PADI3: variants seen among roughly 807,000 people sequenced by gnomAD.
The protein encoded by PADI3 is protein-arginine deiminase type-3.
Under a neutral mutation model 71.5 loss-of-function variants are expected in PADI3, and 53 were observed. That is an observed-to-expected ratio of 0.74 (90% CI 0.59 to 0.93). The LOEUF is 0.93. PADI3 is among the 40% of genes least tolerant of loss of function. The pLI is 0.00. For synonymous variants in PADI3, 361 were observed against 347.5 expected (o/e 1.04, Z -0.43); for missense variants, 821 against 868.0 (o/e 0.95, Z 0.68).
chr1:17,258,284 C>T (rs948627255), intron 1 of PADI3, among the ~76,000 whole-genome samples: 1 of 152,184 alleles, frequency 6.6e-6, no homozygotes, highest in Non-Finnish European at 1.5e-5. Context: ...ATCCTGTGGC[C>T]TTGAGCCCCA....
intron 1 of PADI3, among the ~76,000 whole-genome samples, chr1:17,257,634 C>G (rs895746011): frequency 1.1e-4 from 16 of 152,178 alleles, no homozygotes; most frequent in African/African-American, 3.9e-4. Context: ...TGGAGAGAAG[C>G]TTGGGCTTGG....
At position 17,264,542 on chromosome 1, in the gene PADI3, G is replaced by A. The variant is rs185516168; in HGVS notation, c.347-1117G>A. ...AAGTATTTTCTTGCTTCTCCTCATG[G>A]TTTTATCTCTTGAACGCAATACCCA... On this transcript the variant is annotated intron_variant, in intron 3 of 15. Transcript: ENST00000375460. Among the ~76,000 whole-genome samples the A allele has an allele frequency of 9.0e-4, 137 of 152,138 alleles. 1 individual carries two copies. Among genetic ancestry groups the A allele is most frequent in the African/African-American group, 3.1e-3 (130 of 41,504 alleles).
At position 17,249,132 on chromosome 1, in the gene PADI3, A is replaced by G. The variant is rs1490664424; in HGVS notation, c.-6A>G. The G allele has an allele frequency of 5.6e-6, 9 of 1,613,686 alleles. No homozygotes were observed. Among genetic ancestry groups the G allele is most frequent in the Non-Finnish European group, 7.6e-6 (9 of 1,179,706 alleles). On this transcript the variant is annotated 5_prime_UTR_variant, in exon 1 of 16. Coordinates refer to ENST00000375460, the MANE Select transcript of PADI3 (RefSeq NM_016233.2). ...GTTGGCGGCCACAGCTAAGTCCAAC[A>G]CCAGCATGTCGCTGCAGAGAATCGT...
intron 4 of PADI3, among the ~76,000 whole-genome samples, chr1:17,266,146 A>C (rs570971300): frequency 8.7e-4 from 133 of 152,348 alleles, no homozygotes; most frequent in African/African-American, 3.1e-3. Flanking sequence ...TTATTTATAC[A>C]AACAGGCAGT....
chr1:17,265,670 GAT>G lies in PADI3; in HGVS notation c.359_360del (p.Asp120ValfsTer6), dbSNP rs761184582. The G allele has an allele frequency of 6.2e-7, 1 of 1,614,160 alleles. No individual in the cohort carries two copies. The highest frequency in any genetic ancestry group is 1.7e-5 in the Admixed American group (1 of 60,012). ...GCCTCCTCTTGCAGACATCTCTCTGGATTGCGACCTGAACTGTGAGGGAAGGC... is the reference window on the plus strand; with the variant it reads ...GCCTCCTCTTGCAGACATCTCTCTGGTGCGACCTGAACTGTGAGGGAAGGC... ...LYLTCVDISL[D>X]CDLNCEGRQD... On this transcript the variant is annotated frameshift_variant, in exon 4 of 16. Transcript: ENST00000375460. LOFTEE classifies it high-confidence loss of function.
chr1:17,272,344 C>A (rs1464921923), intron 9 of PADI3, among the ~76,000 whole-genome samples: 1 of 152,118 alleles, frequency 6.6e-6, no homozygotes, highest in African/African-American at 2.4e-5. Context: ...AGTTAAGGAG[C>A]TTTCCTCTTG....
intron 3 of PADI3, 77 bp downstream of exon 3, chr1:17,262,282 G>A: frequency 9.1e-7 from 1 of 1,094,620 alleles, no homozygotes; most frequent in Non-Finnish European, 1.3e-6. Flanking sequence ...AGTATACGTT[G>A]AAAATTAAAC....
chr1:17,270,819 T>TA, intron 7 of PADI3, 60 bp from the exon 8 acceptor site: 2 of 1,164,510 alleles, frequency 1.7e-6, no homozygotes, highest in South Asian at 1.2e-5. Flanking sequence ...GGAATCAGAG[T>TA]CCCCCCAGGC....
Position 17,249,147 on chromosome 1 carries a change from C to T in PADI3, c.10C>T (p.Gln4Ter). 1 of 1,614,070 alleles carries T rather than the reference C, an allele frequency of 6.2e-7. No individual in the cohort carries two copies. Among genetic ancestry groups the T allele is most frequent in the South Asian group, 1.1e-5 (1 of 91,074 alleles). Residue 4 changes from glutamine to a stop codon, truncating the protein, a stop_gained, in exon 1 of 16, where the codon CAG becomes TAG. Coordinates refer to ENST00000375460, the MANE Select transcript of PADI3 (RefSeq NM_016233.2). LOFTEE classifies it high-confidence loss of function. MSL[Q>*]RIVRVSLEHP... is the part of the protein sequence containing the mutation. The stretch of plus-strand genomic sequence containing the variant: ...TAAGTCCAACACCAGCATGTCGCTG[C>T]AGAGAATCGTGCGTGTGTCCCTGGA...
At chr1:17,262,848 T>A (rs1050298889) in intron 3 of PADI3, among the ~76,000 whole-genome samples, 2 of 152,190 alleles carry the variant, frequency 1.3e-5, no homozygotes, top group Non-Finnish European at 2.9e-5. Context: ...ATCTAAGAGC[T>A]CTGTGACAGT....
chr1:17,267,635 T>C (rs1201381952), intron 5 of PADI3, among the ~76,000 whole-genome samples: 2 of 151,596 alleles, frequency 1.3e-5, no homozygotes, highest in Non-Finnish European at 3.0e-5. Flanking sequence ...CATGTTTCTC[T>C]GGGCAATTGA....
chr1:17,273,069 G>A (rs1413974154), intron 9 of PADI3, among the ~76,000 whole-genome samples: 1 of 152,152 alleles, frequency 6.6e-6, no homozygotes, highest in East Asian at 1.9e-4. Context: ...AGTACTCACA[G>A]GGACACCCCC....
At position 17,266,778 on chromosome 1, in the gene PADI3, T is replaced by A; in HGVS notation, c.468T>A (p.Arg156=). The A allele has an allele frequency of 6.2e-7, 1 of 1,614,094 alleles. No homozygotes were observed. Residue 156 remains arginine, a synonymous_variant, in exon 5 of 16, where the codon CGT becomes CGA. Transcript: ENST00000375460. Reference sequence around the variant, plus strand: ...GCATCTTGCTGGTGAACTGTGACCGTGATGATCCGAGCTGTGATGTCCAGG... The same window carrying A: ...GCATCTTGCTGGTGAACTGTGACCGAGATGATCCGAGCTGTGATGTCCAGG... The part of the protein sequence containing the change: ...YGGILLVNCD[R]DDPSCDVQDN...
intron 6 of PADI3, among the ~76,000 whole-genome samples, chr1:17,269,994 G>C (rs979736172): frequency 2.0e-5 from 3 of 152,150 alleles, no homozygotes; most frequent in Non-Finnish European, 2.9e-5. Context: ...TTTGTTGGAT[G>C]CTGCCAAATT....
intron 3 of PADI3, 60 bp downstream of exon 3, chr1:17,262,265 AC>A: frequency 1.6e-6 from 2 of 1,254,558 alleles, no homozygotes; most frequent in Non-Finnish European, 2.2e-6. Context: ...TTCAAGCAGT[AC>A]AAAAGAGTAT....
In PADI3 at chr1:17,266,719, C is replaced by T. The variant is rs139823890; in HGVS notation, c.409C>T (p.Arg137Trp). The T allele has an allele frequency of 6.6e-5, 106 of 1,612,398 alleles. No individual in the cohort carries two copies. The highest frequency in any genetic ancestry group is 8.1e-5 in the Non-Finnish European group (95 of 1,178,586). ...GRQDRNFVDK[R>W]QWVWGPSGYG... ...ACTGGCTATGTTTTGTCATTGGCAG[C>T]GGCAGTGGGTCTGGGGGCCCAGTGG... The change falls in exon 5 of 16, where the codon CGG becomes TGG. Residue 137 changes from arginine (R) to tryptophan (W), a missense_variant and splice_region_variant. By Grantham distance (101) the Arg-to-Trp change is moderately radical. Coordinates refer to ENST00000375460, the MANE Select transcript of PADI3 (RefSeq NM_016233.2).
chr1:17,249,476 G>A (rs1194262304), intron 1 of PADI3, among the ~76,000 whole-genome samples: 1 of 152,152 alleles, frequency 6.6e-6, no homozygotes, highest in Non-Finnish European at 1.5e-5. Context: ...CTCCAGACCG[G>A]GGGCTTGGAG....
chr1:17,260,585 C>T (rs1002679107), intron 2 of PADI3, among the ~76,000 whole-genome samples: 23 of 152,146 alleles, frequency 1.5e-4, no homozygotes, highest in Non-Finnish European at 1.6e-4. Context: ...GTCCCGGGAC[C>T]GCACACTAAT....
intron 10 of PADI3, among the ~76,000 whole-genome samples, chr1:17,274,359 G>C (rs948608917): frequency 6.6e-6 from 1 of 152,246 alleles, no homozygotes; most frequent in Non-Finnish European, 1.5e-5. Context: ...CTCCATGTCC[G>C]ATGGGGAGTG....
Sources: gnomAD v4.1 joint callset for allele counts (sites outside exome capture counted in the v4.1 genomes callset) on GRCh38, gnomAD v4.1.1 for gene constraint, MANE v1.5 for transcripts, NCBI Gene and HGNC (gene_info 2026-07-23, HGNC 2026-07-21) for gene names.